The following JAZF1 variants were observed in gnomAD, a reference collection of about 807,000 sequenced individuals.
The protein encoded by JAZF1 is JAZF zinc finger 1.
In JAZF1, 8 loss-of-function variants were observed where a neutral mutation model predicts 26.4. The observed-to-expected ratio is 0.30, with a 90% CI of 0.18 to 0.55. The LOEUF (loss-of-function observed/expected upper bound fraction) is 0.55. Among genes scored for constraint, JAZF1 ranks in the 20% least tolerant of loss-of-function variants. The probability of loss-of-function intolerance (pLI) is 0.94; values close to 1 mark genes in which losing one functional copy is unlikely to be tolerated. For missense variants in JAZF1, 199 were observed against 322.0 expected (o/e 0.62, Z 2.92); for synonymous variants, 126 against 122.3 (o/e 1.03, Z -0.20).
intron 2 of JAZF1, among the ~76,000 whole-genome samples, chr7:27,971,244 C>T (rs909828125): frequency 1.3e-5 from 2 of 152,164 alleles, no homozygotes; most frequent in Admixed American, 1.3e-4. Context: ...TCCTTTCCTT[C>T]TAAGTTCAAA....
At chr7:28,008,602 T>C (rs1782743993) in intron 1 of JAZF1, among the ~76,000 whole-genome samples, 1 of 152,226 alleles carries the variant, frequency 6.6e-6, no homozygotes, top group Admixed American at 6.5e-5. Context: ...AAATAATCTC[T>C]GGGAAGAGAA....
chr7:28,010,765 G>C lies in JAZF1; in HGVS notation c.116-18784C>G, dbSNP rs1782786077. 2.6e-5 allele frequency among the ~76,000 whole-genome samples: 4 copies of C among 152,190 alleles called. No individual in the cohort carries two copies. The South Asian group carries it at 8.3e-4, about 32-fold the overall frequency. ...TCCTGTCCCTAGCATTTAGCACAAG[G>C]GCTGGTAAATAATCATGATCACTGA... is the stretch of plus-strand genomic sequence containing the variant. On this transcript the variant is annotated intron_variant, in intron 1 of 4. Transcript: ENST00000283928.
At chr7:28,169,230 GAT>G (rs1229045214) in intron 1 of JAZF1, among the ~76,000 whole-genome samples, 1 of 152,218 alleles carries the variant, frequency 6.6e-6, no homozygotes, top group Non-Finnish European at 1.5e-5. Context: ...TTTTCTGTGT[GAT>G]GTTTGCATAT....
intron 4 of JAZF1, among the ~76,000 whole-genome samples, chr7:27,834,551 A>G (rs1282824713): frequency 6.6e-6 from 1 of 152,188 alleles, no homozygotes; most frequent in Non-Finnish European, 1.5e-5. Flanking sequence ...AACATAAGGT[A>G]CTTCAGTCTT....
chr7:28,175,882 A>T lies in JAZF1; in HGVS notation c.115+4581T>A, dbSNP rs373521338. Among the ~76,000 whole-genome samples, 20 of 152,348 alleles carry T rather than the reference A, an allele frequency of 1.3e-4. No individual in the cohort carries two copies. In the East Asian group the frequency reaches 3.7e-3, roughly 28 times the overall value. Reference sequence around the variant, plus strand: ...AGTGGGAGTAATAAGGACCTATGACATATTGCACAGCTTATCTATTTAGTA... The same window carrying T: ...AGTGGGAGTAATAAGGACCTATGACTTATTGCACAGCTTATCTATTTAGTA... On this transcript the variant is annotated intron_variant, in intron 1 of 4. Coordinates refer to ENST00000283928, the MANE Select transcript of JAZF1 (RefSeq NM_175061.4).
At chr7:28,015,508 TA>T (rs1407223558) in intron 1 of JAZF1, among the ~76,000 whole-genome samples, 1 of 152,218 alleles carries the variant, frequency 6.6e-6, no homozygotes, top group Admixed American at 6.5e-5. Context: ...AAAGTTTGTT[TA>T]AAACAATTAG....
At chr7:28,160,604 G>C (rs1449889761) in intron 1 of JAZF1, among the ~76,000 whole-genome samples, 1 of 152,174 alleles carries the variant, frequency 6.6e-6, no homozygotes, top group Non-Finnish European at 1.5e-5. Context: ...CATCGTTTTA[G>C]TTCCATCCCA....
At chr7:27,856,133 C>T (rs960352416) in intron 3 of JAZF1, among the ~76,000 whole-genome samples, 6 of 152,240 alleles carry the variant, frequency 3.9e-5, no homozygotes, top group Admixed American at 2.0e-4. Flanking sequence ...AGTTCTTAAA[C>T]GTGGTGTGTC....
At chr7:27,854,969 T>G (rs1783218101) in intron 3 of JAZF1, among the ~76,000 whole-genome samples, 1 of 152,196 alleles carries the variant, frequency 6.6e-6, no homozygotes, top group African/African-American at 2.4e-5. Context: ...ACAACTTGGT[T>G]CCATTCCCCA....
At chr7:28,076,239 G>A (rs1450078022) in intron 1 of JAZF1, among the ~76,000 whole-genome samples, 1 of 152,210 alleles carries the variant, frequency 6.6e-6, no homozygotes, top group Admixed American at 6.5e-5. Flanking sequence ...CAACGGCCCA[G>A]AGCAAAATGG....
chr7:27,932,883 T>C (rs966266238), intron 2 of JAZF1, among the ~76,000 whole-genome samples: 2 of 152,202 alleles, frequency 1.3e-5, no homozygotes, highest in Non-Finnish European at 2.9e-5. Flanking sequence ...TTATAATTTT[T>C]TTATGCTTCT....
intron 2 of JAZF1, among the ~76,000 whole-genome samples, chr7:27,907,064 G>GT (rs11368706): frequency 0.37 from 55,458 of 151,726 alleles, 10,296 homozygotes; most frequent in East Asian, 0.49. Flanking sequence ...TTGCACTAAG[G>GT]CTCTTAGAGT....
intron 4 of JAZF1, among the ~76,000 whole-genome samples, chr7:27,837,563 G>T (rs1660384920): frequency 1.3e-5 from 2 of 152,224 alleles, no homozygotes; most frequent in African/African-American, 4.8e-5. Context: ...GCGCCTCAAT[G>T]TAGAAAGAGC....
At chr7:27,982,005 A>G (rs181745481) in intron 2 of JAZF1, among the ~76,000 whole-genome samples, 172 of 152,340 alleles carry the variant, frequency 1.1e-3, no homozygotes, top group African/African-American at 2.9e-3. Context: ...AGGTTCCAAG[A>G]TGGCCGAATA....
chr7:28,135,336 T>G (rs1170375017), intron 1 of JAZF1, among the ~76,000 whole-genome samples: 1 of 152,190 alleles, frequency 6.6e-6, no homozygotes, highest in East Asian at 1.9e-4. Context: ...AAGGCAGATA[T>G]GAGACAGAGC....
intron 2 of JAZF1, among the ~76,000 whole-genome samples, chr7:27,899,385 A>G (rs527888307): frequency 6.6e-6 from 1 of 152,324 alleles, no homozygotes; most frequent in East Asian, 1.9e-4. Context: ...GCTTTCCTCA[A>G]TGAGTCTGGA....
intron 3 of JAZF1, among the ~76,000 whole-genome samples, chr7:27,854,014 T>C (rs906517678): frequency 6.6e-6 from 1 of 152,094 alleles, no homozygotes; most frequent in African/African-American, 2.4e-5. Flanking sequence ...TAAGACTCTT[T>C]GTAGGTCTCT....
At chr7:28,077,083 CACA>C (rs1784063339) in intron 1 of JAZF1, among the ~76,000 whole-genome samples, 1 of 152,148 alleles carries the variant, frequency 6.6e-6, no homozygotes, top group African/African-American at 2.4e-5. Flanking sequence ...TTTCACTAAA[CACA>C]ACAACGACAC....
At chr7:28,036,861 C>A (rs1006763327) in intron 1 of JAZF1, among the ~76,000 whole-genome samples, 2 of 152,186 alleles carry the variant, frequency 1.3e-5, no homozygotes, top group African/African-American at 4.8e-5. Flanking sequence ...ATGCACATAG[C>A]AAGACCAGAG....
Sources: allele counts gnomAD v4.1 joint callset (sites outside exome capture counted in the v4.1 genomes callset), GRCh38; gene constraint gnomAD v4.1.1; transcripts MANE v1.5; gene names NCBI Gene and HGNC (gene_info 2026-07-23, HGNC 2026-07-21).